Variants in CD63 observed in about 807,000 individuals in gnomAD.
CD63 encodes the protein CD63 molecule.
CD63 carries 16 observed loss-of-function variants against 29.2 expected under a neutral mutation model. The ratio of observed to expected loss-of-function variants is 0.55; its 90% CI spans 0.37 to 0.83. The LOEUF is 0.83. Among genes scored for constraint, CD63 ranks in the 40% least tolerant of loss-of-function variants. The probability of loss-of-function intolerance (pLI) is 0.00; values close to 1 mark genes in which losing one functional copy is unlikely to be tolerated. For synonymous variants in CD63, 118 were observed against 111.7 expected (o/e 1.06, Z -0.36); for missense variants, 251 against 297.3 (o/e 0.84, Z 1.15).
In CD63 at chr12:55,728,458, C is replaced by T. The variant is rs966807960; in HGVS notation, c.-11-106G>A. ...GGCTTCCCTTCACGGCCCCGATTCC[C>T]GGCCCCTCCCACCCGGAAACCCGCG... On this transcript the variant is annotated intron_variant, in intron 1 of 7. Coordinates refer to ENST00000257857, the MANE Select transcript of CD63 (RefSeq NM_001780.6). This position sits in a 1 kb window ranked among gnomAD's most constrained non-coding sequence, Gnocchi z 4.8. 5.0e-5 allele frequency: 76 copies of T among 1,510,322 alleles called. No homozygotes were observed. Among genetic ancestry groups the T allele is most frequent in the Non-Finnish European group, 6.3e-5 (71 of 1,129,188 alleles). The allele number at this position is 1,510,322 out of a possible 1,614,324, so 93.6% of individuals were successfully genotyped here.
intron 5 of CD63, 142 bp from the exon 6 acceptor site, chr12:55,726,403 G>T: frequency 1.2e-6 from 1 of 800,592 alleles, no homozygotes; most frequent in Non-Finnish European, 1.9e-6. Flanking sequence ...GCCCAGCGGT[G>T]GCTCAATCTC....
chr12:55,726,860 G>C, intron 4 of CD63, 30 bp downstream of exon 4: 1 of 1,609,168 alleles, frequency 6.2e-7, no homozygotes, highest in Non-Finnish European at 8.5e-7. Context: ...ACCCGGCTGA[G>C]GCAGGCCCTT....
In CD63 at chr12:55,725,357, A is replaced by AC. The variant is rs1277827424; in HGVS notation, c.*203dup. On this transcript the variant is annotated 3_prime_UTR_variant, in exon 8 of 8. Transcript: ENST00000257857. The stretch of plus-strand genomic sequence containing the variant: ...TTCGCAAAGTCCTCCTTTCCCAAAC[A>AC]CCCCCCAAAATAGACCTCGAAGTAC... The AC allele has an allele frequency of 1.4e-5, 8 of 590,392 alleles. No homozygotes were observed. Among genetic ancestry groups the AC allele is most frequent in the Non-Finnish European group, 2.1e-5 (7 of 332,146 alleles). The allele number at this position is 590,392 out of a possible 1,614,324, so 36.6% of individuals were successfully genotyped here.
chr12:55,726,854 G>A (rs1877439464), intron 4 of CD63, 36 bp downstream of exon 4: 5 of 1,608,564 alleles, frequency 3.1e-6, no homozygotes, highest in Non-Finnish European at 3.4e-6. Context: ...TCCCAGACCC[G>A]GCTGAGGCAG....
chr12:55,727,519 C>T (rs2136152726), intron 2 of CD63, 180 bp from the exon 3 acceptor site: 1 of 1,241,772 alleles, frequency 8.1e-7, no homozygotes. Context: ...CTGCCCCTAC[C>T]TCCCCTGATC....
chr12:55,724,965 G>A (rs993276834), downstream of CD63, among the ~76,000 whole-genome samples: 1 of 152,156 alleles, frequency 6.6e-6, no homozygotes, highest in Non-Finnish European at 1.5e-5. Context: ...AGGTGATGAG[G>A]GTTCTGGGCC....
At position 55,728,932 on chromosome 12, in the gene CD63, G is replaced by A; in HGVS notation, c.-12+21C>T. On this transcript the variant is annotated intron_variant, in intron 1 of 7. Transcript: ENST00000257857. This position sits in a 1 kb window ranked among gnomAD's most constrained non-coding sequence, Gnocchi z 4.8. Reference sequence around the variant, plus strand: ...TCTCTCCCAGCCCGCGCCGAAGTCCGCCGGGTCCCCGCGGCCTCACCTGGG... The same window carrying A: ...TCTCTCCCAGCCCGCGCCGAAGTCCACCGGGTCCCCGCGGCCTCACCTGGG... 1 of 985,532 alleles carries A rather than the reference G, an allele frequency of 1.0e-6. No individual in the cohort carries two copies. The highest frequency in any genetic ancestry group is 1.2e-6 in the Non-Finnish European group (1 of 829,996). The allele number at this position is 985,532 out of a possible 1,614,324, so 61.0% of individuals were successfully genotyped here.
In CD63 at chr12:55,728,514, AC is replaced by A; in HGVS notation, c.-11-163del. ...ATCCACGTCTCCCAGCCCCCTCTTT[AC>A]CCGCAGGAGAGGGGTGGGGGCGACG... On this transcript the variant is annotated intron_variant, in intron 1 of 7. Coordinates refer to ENST00000257857, the MANE Select transcript of CD63 (RefSeq NM_001780.6). The surrounding 1 kb of genome is among the most constrained non-coding windows in gnomAD (Gnocchi z 4.8). 6 of 1,456,848 alleles carry A rather than the reference AC, an allele frequency of 4.1e-6. No individual in the cohort carries two copies. Among genetic ancestry groups the A allele is most frequent in the South Asian group, 2.8e-5 (2 of 71,452 alleles). 90.2% of individuals were successfully genotyped at this position (1,456,848 alleles called of 1,614,324 possible).
At position 55,728,712 on chromosome 12, in the gene CD63, C is replaced by G; in HGVS notation, c.-12+241G>C. On this transcript the variant is annotated intron_variant, in intron 1 of 7. Coordinates refer to ENST00000257857, the MANE Select transcript of CD63 (RefSeq NM_001780.6). This position sits in a 1 kb window ranked among gnomAD's most constrained non-coding sequence, Gnocchi z 4.8. ...GAAACGGTCTTCAGCCCAACCCCGA[C>G]CCCCGCCCCAGCCCCTTTCCCCTGG... The G allele has an allele frequency of 9.4e-7, 1 of 1,061,198 alleles. No individual in the cohort carries two copies. Among genetic ancestry groups the G allele is most frequent in the Non-Finnish European group, 1.1e-6 (1 of 877,068 alleles). The allele number at this position is 1,061,198 out of a possible 1,614,324, so 65.7% of individuals were successfully genotyped here. A position where few individuals can be genotyped will look rare whatever the true frequency, so the allele number is the denominator to read the frequency against.
At chr12:55,724,431 C>T (rs755493174), downstream of CD63, 1 of 1,614,200 alleles carries the variant, frequency 6.2e-7, no homozygotes, top group Non-Finnish European at 8.5e-7. Flanking sequence ...GAACCCGCTA[C>T]AGCCCAGGTT....
upstream of CD63, chr12:55,729,538 G>C (rs1193416361): frequency 6.6e-6 from 1 of 152,420 alleles, no homozygotes; most frequent in African/African-American, 2.4e-5. Context: ...GGGTCGGGTG[G>C]GGCCAGAACA....
chr12:55,727,502 T>C, intron 2 of CD63, 163 bp from the exon 3 acceptor site: 1 of 1,198,122 alleles, frequency 8.3e-7, no homozygotes, highest in Non-Finnish European at 1.1e-6. Flanking sequence ...GGATGACCCA[T>C]CCTTGCCTGC....
rs534426921 is a variant in CD63, at chr12:55,728,109, G to A, written c.66+167C>T. Among the ~76,000 whole-genome samples, 130 of 151,644 alleles carry A rather than the reference G, an allele frequency of 8.6e-4. 1 individual carries two copies. Among genetic ancestry groups the A allele is most frequent in the Non-Finnish European group, 1.6e-4 (11 of 67,844 alleles). On this transcript the variant is annotated intron_variant, in intron 2 of 7. Coordinates refer to ENST00000257857, the MANE Select transcript of CD63 (RefSeq NM_001780.6). This position sits in a 1 kb window ranked among gnomAD's most constrained non-coding sequence, Gnocchi z 4.8. The stretch of plus-strand genomic sequence containing the variant: ...CATTCTCGGTGGAAACAAGCCTCAG[G>A]TGTCCAGGAAAACTGGAGGAGGGAG...
At chr12:55,726,671 C>T (rs1429264692) in intron 5 of CD63, 29 bp downstream of exon 5, 4 of 1,553,090 alleles carry the variant, frequency 2.6e-6, no homozygotes, top group African/African-American at 2.7e-5. Flanking sequence ...TCTATTCCCA[C>T]CACCCCTGCT....
intron 3 of CD63, 39 bp from the exon 4 acceptor site, chr12:55,727,003 TGCATTACAGGG>T (rs1455061594): frequency 2.5e-6 from 4 of 1,604,126 alleles, no homozygotes; most frequent in Non-Finnish European, 1.7e-6. Flanking sequence ...TTGGAGTCTA[TGCATTACAGGG>T]GCCCGTTTTG....
At chr12:55,724,254 G>A, downstream of CD63, 1 of 1,580,464 alleles carries the variant, frequency 6.3e-7, no homozygotes, top group South Asian at 1.1e-5. Context: ...CAGGGCCCCA[G>A]AAGACAGTAC....
chr12:55,726,371 T>C, intron 5 of CD63, 110 bp from the exon 6 acceptor site: 5 of 933,498 alleles, frequency 5.4e-6, no homozygotes, highest in Non-Finnish European at 6.1e-6. Flanking sequence ...AGACAGAGAC[T>C]TGCTCTGTTG....
At chr12:55,723,864 C>A (rs57751631), downstream of CD63, 1 of 1,612,186 alleles carries the variant, frequency 6.2e-7, no homozygotes, top group Admixed American at 1.7e-5. Flanking sequence ...AACCCAGCAA[C>A]TTCGCTCTGC....
downstream of CD63, chr12:55,723,764 C>T: frequency 3.7e-6 from 4 of 1,092,692 alleles, no homozygotes; most frequent in Non-Finnish European, 5.5e-6. Context: ...GGGCAGTAGG[C>T]ATCTCCGTCA....
Sources: gnomAD v4.1 joint callset for allele counts (sites outside exome capture counted in the v4.1 genomes callset) on GRCh38, gnomAD v4.1.1 for gene constraint, Gnocchi (gnomAD v3.1) non-coding constraint, MANE v1.5 for transcripts, NCBI Gene and HGNC (gene_info 2026-07-23, HGNC 2026-07-21) for gene names.